The following XPA variants were observed in gnomAD, a reference collection of about 807,000 sequenced individuals.
The protein encoded by XPA is DNA repair protein complementing XP-A cells.
Under a neutral mutation model 35.7 loss-of-function variants are expected in XPA, and 27 were observed. The ratio of observed to expected loss-of-function variants is 0.76; its 90% CI spans 0.56 to 1.04. XPA has a LOEUF of 1.04. Among genes scored for constraint, XPA ranks in the 50% least tolerant of loss-of-function variants. The pLI is 0.00. For missense variants in XPA, 354 were observed against 342.7 expected, an observed-to-expected ratio of 1.03 and a Z score of -0.26; for synonymous variants, 133 against 118.4, an observed-to-expected ratio of 1.12 and a Z score of -0.80.
chr9:97,665,135 C>T, the XPA span, among the ~76,000 whole-genome samples: 1 of 152,228 alleles, frequency 6.6e-6, no homozygotes, highest in East Asian at 1.9e-4. Flanking sequence ...AACTTTTCCA[C>T]TGTATCTGTT....
intron 2 of XPA, among the ~76,000 whole-genome samples, chr9:97,690,879 A>G (rs562007473): frequency 2.6e-5 from 4 of 152,376 alleles, no homozygotes; most frequent in South Asian, 2.1e-4. Flanking sequence ...TGAATAACCC[A>G]GGATATTCTC....
At chr9:97,671,145 A>G, downstream of XPA, 1 of 1,613,920 alleles carries the variant, frequency 6.2e-7, no homozygotes, top group Non-Finnish European at 8.5e-7. Flanking sequence ...TCACTGCTGA[A>G]TTAGACCCTC....
At chr9:97,670,160 A>C (rs1194759203), downstream of XPA, 1 of 243,206 alleles carries the variant, frequency 4.1e-6, no homozygotes, top group East Asian at 9.0e-5. Flanking sequence ...TGACCTCAGG[A>C]GGCCTCCGCC....
At chr9:97,667,137 C>T in the XPA span, among the ~76,000 whole-genome samples, 2 of 152,046 alleles carry the variant, frequency 1.3e-5, no homozygotes, top group East Asian at 1.9e-4. Flanking sequence ...ATCTCTGGGT[C>T]GGCCTCACGT....
the XPA span, chr9:97,668,716 G>GT: frequency 5.0e-6 from 3 of 597,446 alleles, no homozygotes; most frequent in Non-Finnish European, 7.2e-6. Context: ...GTGGCGGGGT[G>GT]GGGGGGTACT....
chr9:97,679,470 C>A (rs1828471340), intron 5 of XPA, among the ~76,000 whole-genome samples: 1 of 152,016 alleles, frequency 6.6e-6, no homozygotes, highest in African/African-American at 2.4e-5. Context: ...TGGACAATTT[C>A]AACACCAAAA....
At chr9:97,677,649 T>G (rs887145808) in intron 5 of XPA, among the ~76,000 whole-genome samples, 2 of 152,122 alleles carry the variant, frequency 1.3e-5, no homozygotes, top group African/African-American at 4.8e-5. Context: ...TGAGCCATGA[T>G]TGCACCACTG....
At chr9:97,671,157 T>G (rs958280135), downstream of XPA, 2 of 1,613,548 alleles carry the variant, frequency 1.2e-6, no homozygotes, top group African/African-American at 1.3e-5. Context: ...TAGACCCTCA[T>G]ATCTTGGCCG....
chr9:97,672,392 T>C (rs1196614310), downstream of XPA: 3 of 152,196 alleles, frequency 2.0e-5, no homozygotes, highest in Admixed American at 1.3e-4. Flanking sequence ...TACCATACAT[T>C]TTAGTGGCTA....
chr9:97,685,250 G>T (rs569169708), intron 4 of XPA, among the ~76,000 whole-genome samples: 2 of 152,044 alleles, frequency 1.3e-5, no homozygotes, highest in African/African-American at 4.8e-5. Flanking sequence ...GTCAGTAAAC[G>T]TATGCTGAAT....
chr9:97,672,141 GA>G (rs1828211380), downstream of XPA: 1 of 152,176 alleles, frequency 6.6e-6, no homozygotes. Context: ...TACTGATGCT[GA>G]AATAAGATGA....
In XPA at chr9:97,697,265, C is replaced by G. The variant is rs771752416; in HGVS notation, c.28G>C (p.Glu10Gln). Residue 10 changes from glutamate (E) to glutamine (Q), a missense_variant, in exon 1 of 6, where the codon GAG becomes CAG. Transcript: ENST00000375128. MAAADGALP[E>Q]AAALEQPAEL... ...GCGGGTTGCTCTAAAGCCGCCGCCT[C>G]CGGCAAAGCCCCGTCGGCCGCCGCC... 2 of 1,599,208 alleles carry G rather than the reference C, an allele frequency of 1.3e-6. No homozygotes were observed. The highest frequency in any genetic ancestry group is 4.5e-5 in the East Asian group (2 of 44,808).
rs186262658 is a variant in XPA, at chr9:97,676,681, A to G, written c.674-1094T>C. Among the ~76,000 whole-genome samples, 10 of 152,340 alleles carry G rather than the reference A, an allele frequency of 6.6e-5. No homozygotes were observed. In the East Asian group the frequency reaches 1.7e-3, roughly 26 times the overall value. ...CACTTTAAATGCATTTAATCCTCACAACCCTTTAAGATAAGTAGAATTACT... is the reference window on the plus strand; with the variant it reads ...CACTTTAAATGCATTTAATCCTCACGACCCTTTAAGATAAGTAGAATTACT... On this transcript the variant is annotated intron_variant, in intron 5 of 5. Coordinates refer to ENST00000375128, the MANE Select transcript of XPA (RefSeq NM_000380.4).
chr9:97,684,904 A>T lies in XPA; in HGVS notation c.673+19T>A. On this transcript the variant is annotated intron_variant, in intron 5 of 5. Coordinates refer to ENST00000375128, the MANE Select transcript of XPA (RefSeq NM_000380.4). ...ATGGTAAAACACAATCCTTCACGAT[A>T]TAAAATGTGGCCATCTACCTTTTAC... 9 of 1,584,704 alleles carry T rather than the reference A, an allele frequency of 5.7e-6. No homozygotes were observed. The highest frequency in any genetic ancestry group is 7.8e-6 in the Non-Finnish European group (9 of 1,153,588).
In XPA at chr9:97,685,087, G is replaced by A. The variant is rs766585159; in HGVS notation, c.556-47C>T. 4.1e-5 allele frequency: 62 copies of A among 1,509,784 alleles called. No individual in the cohort carries two copies. In the African/African-American group the frequency reaches 4.5e-4, roughly 11 times the overall value. The allele number at this position is 1,509,784 out of a possible 1,614,324, so 93.5% of individuals were successfully genotyped here. A position where few individuals can be genotyped will look rare whatever the true frequency, so the allele number is the denominator to read the frequency against. ...TAAATAAGTTGTGATTCAGACTTGC[G>A]AAATATTATAGTTATAACTGTCAAA... On this transcript the variant is annotated intron_variant, in intron 4 of 5. Transcript: ENST00000375128.
intron 5 of XPA, among the ~76,000 whole-genome samples, chr9:97,678,011 T>C (rs987349228): frequency 1.3e-5 from 2 of 152,134 alleles, no homozygotes; most frequent in Non-Finnish European, 2.9e-5. Context: ...ACTGGATGTA[T>C]CAGTGTAAAC....
chr9:97,664,079 T>A, the XPA span, among the ~76,000 whole-genome samples: 1 of 151,870 alleles, frequency 6.6e-6, no homozygotes, highest in Non-Finnish European at 1.5e-5. Flanking sequence ...CTCAGGAGGT[T>A]GAGGCAGGAG....
chr9:97,656,580 T>C, the XPA span, among the ~76,000 whole-genome samples: 1 of 152,174 alleles, frequency 6.6e-6, no homozygotes, highest in Non-Finnish European at 1.5e-5. Context: ...AGGTGTTATA[T>C]ATGAAATGAA....
intron 5 of XPA, chr9:97,675,855 T>C (rs1297097406): frequency 7.8e-6 from 4 of 514,186 alleles, no homozygotes; most frequent in South Asian, 2.1e-5. Flanking sequence ...GTTGGTGGTA[T>C]GCAAAACAGA....
Sources: allele counts gnomAD v4.1 joint callset (sites outside exome capture counted in the v4.1 genomes callset), GRCh38; gene constraint gnomAD v4.1.1; transcripts MANE v1.5; gene names NCBI Gene and HGNC (gene_info 2026-07-23, HGNC 2026-07-21).